SPAG6: variants seen among roughly 807,000 people sequenced by gnomAD.
SPAG6 encodes the protein sperm associated antigen 6.
SPAG6 carries 49 observed loss-of-function variants against 58.5 expected under a neutral mutation model. The ratio of observed to expected loss-of-function variants is 0.84; its 90% CI spans 0.67 to 1.06. The LOEUF is 1.06. Ranked by LOEUF, SPAG6 falls within the 50% of genes least tolerant of loss-of-function variation. The pLI is 0.00. For missense variants in SPAG6, 560 were observed against 611.3 expected, an observed-to-expected ratio of 0.92 and a Z score of 0.89; for synonymous variants, 233 against 225.6, an observed-to-expected ratio of 1.03 and a Z score of -0.29.
At chr10:22,397,522 G>A (rs1834324603) in intron 8 of SPAG6, among the ~76,000 whole-genome samples, 1 of 152,064 alleles carries the variant, frequency 6.6e-6, no homozygotes, top group African/African-American at 2.4e-5. Context: ...TGCCATGTTG[G>A]CCAGGCTTGT....
At chr10:22,371,755 C>A (rs1023871882) in intron 4 of SPAG6, among the ~76,000 whole-genome samples, 4 of 152,054 alleles carry the variant, frequency 2.6e-5, no homozygotes, top group Non-Finnish European at 5.9e-5. Context: ...GTACAGGAAA[C>A]AAAATTAAAA....
chr10:22,409,580 G>C (rs377212701), intron 9 of SPAG6, among the ~76,000 whole-genome samples: 1 of 152,130 alleles, frequency 6.6e-6, no homozygotes, highest in African/African-American at 2.4e-5. Context: ...TTAAAAGAAG[G>C]AATGAGTGAA....
At chr10:22,407,004 A>G (rs1310382655) in intron 9 of SPAG6, among the ~76,000 whole-genome samples, 1 of 151,798 alleles carries the variant, frequency 6.6e-6, no homozygotes, top group African/African-American at 2.4e-5. Flanking sequence ...ATCTTCCTCC[A>G]TCCTTTTATT....
At position 22,413,688 on chromosome 10, in the gene SPAG6, GATATATATAT is replaced by G. The variant is rs59765652; in HGVS notation, c.1460+2523_1460+2532del. Among the ~76,000 whole-genome samples the G allele has an allele frequency of 4.2e-5, 6 of 141,614 alleles. No individual in the cohort carries two copies. In the South Asian group the frequency reaches 8.6e-4, roughly 20 times the overall value. The allele number at this position is 141,614 out of a possible 152,430, so 92.9% of individuals were successfully genotyped here. ...ACCTGACTAATGTTTTCAAATTTCT[GATATATATAT>G]ATATATATATTTCACCCACACAGGG... On this transcript the variant is annotated intron_variant, in intron 10 of 10. Coordinates refer to ENST00000376624, the MANE Select transcript of SPAG6 (RefSeq NM_012443.4).
At chr10:22,377,236 G>A (rs560126730) in intron 4 of SPAG6, among the ~76,000 whole-genome samples, 25 of 152,300 alleles carry the variant, frequency 1.6e-4, no homozygotes, top group African/African-American at 5.5e-4. Context: ...CAGCAATGAC[G>A]AGATTGAGCT....
intron 3 of SPAG6, among the ~76,000 whole-genome samples, chr10:22,366,720 A>C (rs557168045): frequency 6.6e-6 from 1 of 152,306 alleles, no homozygotes; most frequent in South Asian, 2.1e-4. Context: ...TCTATCATCA[A>C]ATACTGTTGG....
At chr10:22,401,007 G>GT (rs1834398000) in intron 8 of SPAG6, among the ~76,000 whole-genome samples, 154 bp from the exon 9 acceptor site, 2 of 151,940 alleles carry the variant, frequency 1.3e-5, no homozygotes, top group Non-Finnish European at 2.9e-5. Flanking sequence ...CCAAGCAGGA[G>GT]TTTTTTTTGG....
intron 4 of SPAG6, 78 bp from the exon 5 acceptor site, chr10:22,386,676 G>C: frequency 9.4e-7 from 1 of 1,061,232 alleles, no homozygotes; most frequent in Admixed American, 1.8e-5. Context: ...TTTCTTTGCT[G>C]TATCTGTCAG....
intron 2 of SPAG6, among the ~76,000 whole-genome samples, chr10:22,348,532 T>C (rs903807894): frequency 1.3e-5 from 2 of 152,212 alleles, no homozygotes; most frequent in African/African-American, 4.8e-5. Flanking sequence ...ATATGCTAAG[T>C]AAATATATAT....
chr10:22,362,231 A>T (rs1207274811), intron 2 of SPAG6, among the ~76,000 whole-genome samples: 1 of 148,168 alleles, frequency 6.7e-6, no homozygotes, highest in African/African-American at 2.5e-5. Context: ...GTATATATCT[A>T]TATATTTCCC....
chr10:22,359,847 C>T (rs998735388), intron 2 of SPAG6, among the ~76,000 whole-genome samples: 1 of 152,084 alleles, frequency 6.6e-6, no homozygotes, highest in African/African-American at 2.4e-5. Context: ...TTCAGGGGTA[C>T]ATGTGCAGGT....
intron 2 of SPAG6, chr10:22,360,881 CT>C: frequency 7.2e-7 from 1 of 1,383,994 alleles, no homozygotes. Context: ...AGAAAAATTT[CT>C]TTTTATTTCC....
intron 10 of SPAG6, among the ~76,000 whole-genome samples, chr10:22,414,444 A>G (rs573270073): frequency 5.3e-5 from 8 of 152,292 alleles, no homozygotes; most frequent in African/African-American, 1.9e-4. Context: ...TCTCTCAGTT[A>G]TAACTACTTA....
intron 7 of SPAG6, among the ~76,000 whole-genome samples, chr10:22,390,955 A>C (rs977590026): frequency 1.3e-5 from 2 of 152,204 alleles, no homozygotes; most frequent in African/African-American, 4.8e-5. Flanking sequence ...CCATAATCTC[A>C]AATTAGTCAG....
chr10:22,390,482 G>T (rs149272583), intron 7 of SPAG6, among the ~76,000 whole-genome samples: 1 of 152,232 alleles, frequency 6.6e-6, no homozygotes, highest in African/African-American at 2.4e-5. Context: ...AGCAGTTTCG[G>T]GCAAGCCACA....
At chr10:22,397,083 A>G (rs1588553247) in intron 8 of SPAG6, among the ~76,000 whole-genome samples, 1 of 152,136 alleles carries the variant, frequency 6.6e-6, no homozygotes. Context: ...TGTAAGGGCT[A>G]TTTTATTTTG....
intron 2 of SPAG6, among the ~76,000 whole-genome samples, chr10:22,346,451 C>CTTCTTCTTCTTCTTCTTCTTCTTG (rs1396325111): frequency 2.9e-5 from 4 of 138,120 alleles, no homozygotes; most frequent in African/African-American, 1.3e-4. Context: ...TCTTCTTCTT[C>CTTCTTCTTCTTCTTCTTCTTCTTG]TTCTTCTTCT....
Position 22,368,456 on chromosome 10 carries a change from C to T in SPAG6, c.289-39C>T. The T allele has an allele frequency of 2.5e-6, 4 of 1,581,052 alleles. No individual in the cohort carries two copies. The South Asian group carries it at 3.4e-5, about 14-fold the overall frequency. On this transcript the variant is annotated intron_variant, in intron 3 of 10. Coordinates refer to ENST00000376624, the MANE Select transcript of SPAG6 (RefSeq NM_012443.4). ...ATTTTAGATTTTGGTTTTCTAAGTA[C>T]TCAATTCATTTTGAGTTTTGTCTGT... is the stretch of plus-strand genomic sequence containing the variant.
intron 7 of SPAG6, 86 bp from the exon 8 acceptor site, chr10:22,391,643 G>A: frequency 2.4e-6 from 3 of 1,235,850 alleles, no homozygotes; most frequent in Non-Finnish European, 3.4e-6. Context: ...AGGCCGAAGT[G>A]ATTTCTTCTC....
Sources: allele counts gnomAD v4.1 joint callset (sites outside exome capture counted in the v4.1 genomes callset), GRCh38; gene constraint gnomAD v4.1.1; transcripts MANE v1.5; gene names NCBI Gene and HGNC (gene_info 2026-07-23, HGNC 2026-07-21).